Variants in SERGEF observed in about 807,000 individuals in gnomAD.
The protein encoded by SERGEF is secretion regulating guanine nucleotide exchange factor.
In SERGEF, 51 loss-of-function variants were observed where a neutral mutation model predicts 50.0. The observed-to-expected ratio is 1.02, with a 90% CI of 0.81 to 1.29. The LOEUF (loss-of-function observed/expected upper bound fraction) is 1.29. SERGEF is among the 50% of genes most tolerant of loss of function. The probability of loss-of-function intolerance (pLI) is 0.00; values close to 1 mark genes in which losing one functional copy is unlikely to be tolerated. For synonymous variants in SERGEF, 205 were observed against 212.4 expected, an observed-to-expected ratio of 0.97 and a Z score of 0.30; for missense variants, 521 against 557.0, an observed-to-expected ratio of 0.94 and a Z score of 0.65.
chr11:17,788,188 G>A lies in SERGEF; in HGVS notation c.1274C>T (p.Thr425Ile). 1 of 1,603,558 alleles carries A rather than the reference G, an allele frequency of 6.2e-7. No homozygotes were observed. The highest frequency in any genetic ancestry group is 8.5e-7 in the Non-Finnish European group (1 of 1,171,452). ...TTTGTCCATGGCTTTCTGAGATTCA[G>A]TGTCCTCGATGGCATCTGGGGAAAG... ...TYLSPDAIED[T>I]ESQKAMDKER... Residue 425 changes from threonine (T) to isoleucine (I), a missense_variant, in exon 11 of 11, where the codon ACT (threonine) becomes ATT (isoleucine). By Grantham distance (89) the Thr-to-Ile change is moderately conservative. Transcript: ENST00000265965.
rs1426143262 is a variant in SERGEF, at chr11:17,911,369, A to G, written c.1012-33125T>C. On this transcript the variant is annotated intron_variant, in intron 9 of 10. Coordinates refer to ENST00000265965, the MANE Select transcript of SERGEF (RefSeq NM_012139.4). ...ATAATATATATATTTTATATATTAA[A>G]ATATATATAAAATATATATACACAC... Among the ~76,000 whole-genome samples the G allele has an allele frequency of 5.4e-5, 8 of 147,090 alleles. No homozygotes were observed. In the South Asian group the frequency reaches 1.7e-3, roughly 31 times the overall value.
At chr11:17,869,533 G>C (rs1851096853) in intron 10 of SERGEF, among the ~76,000 whole-genome samples, 1 of 152,102 alleles carries the variant, frequency 6.6e-6, no homozygotes, top group Admixed American at 6.5e-5. Context: ...ATATAGTGAG[G>C]GCCTATTCCT....
At chr11:17,972,711 T>C (rs1853275825) in intron 8 of SERGEF, among the ~76,000 whole-genome samples, 1 of 152,076 alleles carries the variant, frequency 6.6e-6, no homozygotes. Context: ...CCTGTACAAG[T>C]CAACTTTTCC....
At chr11:17,832,198 T>C (rs913362764) in intron 10 of SERGEF, among the ~76,000 whole-genome samples, 1 of 152,208 alleles carries the variant, frequency 6.6e-6, no homozygotes, top group African/African-American at 2.4e-5. Context: ...GGGAGGGACC[T>C]GGTGGGAGGT....
At chr11:17,988,055 G>A (rs1487340387) in intron 8 of SERGEF, among the ~76,000 whole-genome samples, 1 of 152,166 alleles carries the variant, frequency 6.6e-6, no homozygotes, top group Non-Finnish European at 1.5e-5. Flanking sequence ...TTCAAGAAAA[G>A]ATGAAGATGC....
chr11:17,797,471 A>G (rs1849590462), intron 10 of SERGEF, among the ~76,000 whole-genome samples: 2 of 152,190 alleles, frequency 1.3e-5, no homozygotes, highest in South Asian at 4.1e-4. Context: ...GGTATTTGTG[A>G]GAGTCCCACC....
At chr11:17,821,345 C>T (rs1447846268) in intron 10 of SERGEF, among the ~76,000 whole-genome samples, 1 of 152,138 alleles carries the variant, frequency 6.6e-6, no homozygotes, top group Non-Finnish European at 1.5e-5. Flanking sequence ...TATGCTAATA[C>T]ACACTGCCTA....
Position 18,006,571 on chromosome 11 carries a change from C to A in SERGEF, c.352+20G>T. 3.7e-6 allele frequency: 6 copies of A among 1,604,240 alleles called. No homozygotes were observed. Among genetic ancestry groups the A allele is most frequent in the Non-Finnish European group, 4.3e-6 (5 of 1,176,424 alleles). ...CCAAAGCCTTTGTGGTGACAAAAAT[C>A]TACCTAGGAGTGAACTCACCTGTGA... On this transcript the variant is annotated intron_variant, in intron 3 of 10. Coordinates refer to ENST00000265965, the MANE Select transcript of SERGEF (RefSeq NM_012139.4).
chr11:17,857,053 T>C (rs1356641010), intron 10 of SERGEF, among the ~76,000 whole-genome samples: 1 of 152,074 alleles, frequency 6.6e-6, no homozygotes, highest in Admixed American at 6.6e-5. Flanking sequence ...CCAGTATGGG[T>C]GAGTAGCAGA....
At chr11:18,007,424 T>C (rs1461447484) in intron 2 of SERGEF, among the ~76,000 whole-genome samples, 1 of 152,200 alleles carries the variant, frequency 6.6e-6, no homozygotes, top group Non-Finnish European at 1.5e-5. Context: ...AGATAATAAG[T>C]CACAGAACCA....
intron 5 of SERGEF, among the ~76,000 whole-genome samples, chr11:17,998,542 G>GTGTGTGTGTGTA (rs1853893959): frequency 7.1e-6 from 1 of 139,932 alleles, no homozygotes; most frequent in South Asian, 2.4e-4. Context: ...GTGTGTGTGT[G>GTGTGTGTGTGTA]TGTGTATGTG....
At chr11:17,985,518 G>A (rs1174575461) in intron 8 of SERGEF, among the ~76,000 whole-genome samples, 3 of 152,238 alleles carry the variant, frequency 2.0e-5, no homozygotes, top group East Asian at 3.9e-4. Flanking sequence ...AGTCACCCAG[G>A]AGTCCCATGA....
intron 9 of SERGEF, among the ~76,000 whole-genome samples, chr11:17,910,448 T>G (rs1191893704): frequency 2.6e-5 from 4 of 152,110 alleles, no homozygotes; most frequent in African/African-American, 9.7e-5. Flanking sequence ...GATGGAGTCT[T>G]GTTATGTTGT....
intron 9 of SERGEF, among the ~76,000 whole-genome samples, chr11:17,920,812 A>C (rs1421445244): frequency 1.3e-5 from 2 of 152,218 alleles, no homozygotes; most frequent in Non-Finnish European, 2.9e-5. Flanking sequence ...GAAACAAGCA[A>C]TCTGACCAGA....
intron 10 of SERGEF, among the ~76,000 whole-genome samples, chr11:17,866,575 G>A (rs925345258): frequency 2.6e-5 from 4 of 152,142 alleles, no homozygotes; most frequent in Admixed American, 2.6e-4. Flanking sequence ...CAGGATCTTG[G>A]CTCGCTACAA....
At chr11:17,990,776 T>G (rs1853697584) in intron 7 of SERGEF, among the ~76,000 whole-genome samples, 1 of 152,102 alleles carries the variant, frequency 6.6e-6, no homozygotes, top group South Asian at 2.1e-4. Flanking sequence ...ATTAATCTTT[T>G]TTTTTTTTGA....
chr11:17,926,774 T>A (rs1160966305), intron 9 of SERGEF: 1 of 456,118 alleles, frequency 2.2e-6, no homozygotes, highest in Non-Finnish European at 4.4e-6. Context: ...TGATGCAGAA[T>A]CCACCTGGAG....
chr11:17,909,251 A>G (rs912894182), intron 9 of SERGEF, among the ~76,000 whole-genome samples: 1 of 152,252 alleles, frequency 6.6e-6, no homozygotes, highest in Non-Finnish European at 1.5e-5. Context: ...AGAACTATTT[A>G]AAGAAACATA....
chr11:17,998,802 G>A (rs145972696), intron 5 of SERGEF, among the ~76,000 whole-genome samples: 171 of 146,750 alleles, frequency 1.2e-3, no homozygotes, highest in Middle Eastern at 3.4e-3. Context: ...TGCAAGAACC[G>A]AGCAAGAAGG....
Sources: gnomAD v4.1 joint callset for allele counts (sites outside exome capture counted in the v4.1 genomes callset) on GRCh38, gnomAD v4.1.1 for gene constraint, MANE v1.5 for transcripts, NCBI Gene and HGNC (gene_info 2026-07-23, HGNC 2026-07-21) for gene names.